PSG5: variants seen among roughly 807,000 people sequenced by gnomAD.
The protein encoded by PSG5 is pregnancy-specific beta-1-glycoprotein 5.
In PSG5, 53 loss-of-function variants were observed where a neutral mutation model predicts 37.7. The ratio of observed to expected loss-of-function variants is 1.41; its 90% CI spans 1.13 to 1.77. The LOEUF (loss-of-function observed/expected upper bound fraction) is 1.77. Ranked by LOEUF, PSG5 falls within the 40% of genes most tolerant of loss-of-function variation. PSG5 has a pLI of 0.00. For missense variants in PSG5, 547 were observed against 405.2 expected (o/e 1.35, Z -3.00); for synonymous variants, 221 against 155.4 (o/e 1.42, Z -3.14).
intron 4 of PSG5, chr19:43,171,582 A>G (rs1280633287): frequency 2.2e-6 from 1 of 456,936 alleles, no homozygotes; most frequent in Non-Finnish European, 3.6e-6. Context: ...TGAAACCAAA[A>G]GTTGATTCTT....
intron 5 of PSG5, among the ~76,000 whole-genome samples, chr19:43,168,464 G>T (rs1337964003): frequency 6.6e-6 from 1 of 151,484 alleles, no homozygotes; most frequent in Admixed American, 6.6e-5. Context: ...TGCCTCCCGG[G>T]TTCATGCCAT....
rs773378321 is a variant in PSG5, at chr19:43,184,996, C to G, written c.216G>C (p.Leu72=). The G allele has an allele frequency of 1.1e-5, 17 of 1,612,442 alleles. 2 individuals carry two copies. Among genetic ancestry groups the G allele is most frequent in the Admixed American group, 3.3e-5 (2 of 59,866 alleles). ...LAGYIWYKGQ[L]MDLYHYITSY... Reference sequence around the variant, plus strand: ...ATGTAATGTAATGGTAGAGGTCCATCAGTTGTCCTTTGTACCAGATGTAGC... The same window carrying G: ...ATGTAATGTAATGGTAGAGGTCCATGAGTTGTCCTTTGTACCAGATGTAGC... Residue 72 remains leucine (L), a synonymous_variant, in exon 2 of 6, where the codon CTG becomes CTC. Transcript: ENST00000342951.
At chr19:43,169,814 T>G (rs1377015042) in intron 5 of PSG5, among the ~76,000 whole-genome samples, 1 of 151,582 alleles carries the variant, frequency 6.6e-6, no homozygotes, top group Non-Finnish European at 1.5e-5. Context: ...ATTGTGTTTC[T>G]CATTTGAATC....
chr19:43,179,504 G>T lies in PSG5; in HGVS notation c.431-3356C>A, dbSNP rs548755794. On this transcript the variant is annotated intron_variant, in intron 2 of 5. Transcript: ENST00000342951. ...ACCTTGTGGTCCTCACTTGGAGTAT[G>T]CAGTGCTGGAATCTTCTTAGTTTCA... is the stretch of plus-strand genomic sequence containing the variant. 3.0e-4 allele frequency among the ~76,000 whole-genome samples: 45 copies of T among 151,846 alleles called. 1 individual carries two copies. The Middle Eastern group carries it at 0.01, about 34-fold the overall frequency.
At chr19:43,179,865 C>A (rs1019397455) in intron 2 of PSG5, among the ~76,000 whole-genome samples, 1 of 150,872 alleles carries the variant, frequency 6.6e-6, no homozygotes, top group African/African-American at 2.4e-5. Context: ...AGCTTTGGAC[C>A]AAGACCATTG....
At chr19:43,175,813 G>A in intron 3 of PSG5, 57 bp downstream of exon 3, 1 of 1,602,442 alleles carries the variant, frequency 6.2e-7, no homozygotes. Flanking sequence ...GGACTGGCTT[G>A]TGGTCATTTA....
intron 2 of PSG5, among the ~76,000 whole-genome samples, chr19:43,181,539 A>G (rs1336059953): frequency 6.6e-6 from 1 of 151,530 alleles, no homozygotes; most frequent in Non-Finnish European, 1.5e-5. Flanking sequence ...GCTCACTGCA[A>G]GCTCCACCTC....
At chr19:43,175,150 C>T (rs755316630) in intron 4 of PSG5, 65 bp downstream of exon 4, 2 of 1,611,024 alleles carry the variant, frequency 1.2e-6, no homozygotes, top group Non-Finnish European at 1.7e-6. Context: ...TTTCCTAACT[C>T]TTCTCTGAAA....
Position 43,185,015 on chromosome 19 carries a change from A to G in PSG5, c.197T>C (p.Ile66Thr), listed in dbSNP as rs149836749. Residue 66 changes from isoleucine (I) to threonine (T), a missense_variant, in exon 2 of 6, where the codon ATC (isoleucine) becomes ACC (threonine). Coordinates refer to ENST00000342951, the MANE Select transcript of PSG5 (RefSeq NM_002781.4). ...GTCCATCAGTTGTCCTTTGTACCAG[A>G]TGTAGCCAGCAAGATTCTGAGGCAA... ...HNLPQNLAGYIWYKGQLMDLY... is the reference protein window; with the variant it reads ...HNLPQNLAGYTWYKGQLMDLY... The G allele has an allele frequency of 1.9e-6, 3 of 1,612,656 alleles. No individual in the cohort carries two copies. The highest frequency in any genetic ancestry group is 1.1e-5 in the South Asian group (1 of 91,038).
rs569939151 is a variant in PSG5 at position 43,176,247 on chromosome 19, C to G, written c.431-99G>C. The G allele has an allele frequency of 4.9e-5, 75 of 1,544,442 alleles. 2 individuals carry two copies. The African/African-American group carries it at 7.7e-4, about 16-fold the overall frequency. On this transcript the variant is annotated intron_variant, in intron 2 of 5. Transcript: ENST00000342951. The stretch of plus-strand genomic sequence containing the variant: ...TTGGCATCTCCCACCTGTCAACCCA[C>G]CAGAGTCCTTGAAAGCCAGTAGCTG...
In PSG5 at chr19:43,175,484, A is replaced by G; in HGVS notation, c.710-15T>C. On this transcript the variant is annotated splice_polypyrimidine_tract_variant and intron_variant, in intron 3 of 5. Transcript: ENST00000342951. ...GTCTGGACCATCTGGAGCAAAGAGA[A>G]TGAAGCCACAGGTGATGTCATCCAA... 1.3e-6 allele frequency: 2 copies of G among 1,595,902 alleles called. No homozygotes were observed. Among genetic ancestry groups the G allele is most frequent in the South Asian group, 1.1e-5 (1 of 87,672 alleles).
intron 2 of PSG5, among the ~76,000 whole-genome samples, chr19:43,179,723 G>A (rs1381860833): frequency 1.3e-5 from 2 of 151,680 alleles, no homozygotes; most frequent in Non-Finnish European, 2.9e-5. Context: ...CAGTCATCAG[G>A]CAGTGGAGCC....
chr19:43,172,252 A>G (rs1213694839), intron 4 of PSG5, among the ~76,000 whole-genome samples: 1 of 151,768 alleles, frequency 6.6e-6, no homozygotes, highest in East Asian at 1.9e-4. Flanking sequence ...CTCAACATAA[A>G]GGCAATATGT....
intron 2 of PSG5, among the ~76,000 whole-genome samples, chr19:43,177,324 CTT>C (rs34348285): frequency 0.21 from 31,742 of 151,004 alleles, 3,955 homozygotes; most frequent in Non-Finnish European, 0.26. Flanking sequence ...ATGCATAAGA[CTT>C]AGGACAAAAA....
chr19:43,170,635 C>A (rs922378573), intron 4 of PSG5: 4 of 259,586 alleles, frequency 1.5e-5, no homozygotes, highest in African/African-American at 9.3e-5. Flanking sequence ...AAGCCTAGTT[C>A]TCTGAGGCTC....
chr19:43,171,061 C>A (rs2122201094), intron 4 of PSG5: 1 of 151,598 alleles, frequency 6.6e-6, no homozygotes, highest in East Asian at 1.9e-4. Context: ...AAATACTTTA[C>A]CTGTATCTCA....
intron 4 of PSG5, chr19:43,174,924 A>C (rs1968973196): frequency 7.9e-7 from 1 of 1,266,624 alleles, no homozygotes; most frequent in African/African-American, 1.5e-5. Flanking sequence ...GATCTTGAGG[A>C]CTCTCCTTCT....
At chr19:43,182,096 C>T (rs1969140609) in intron 2 of PSG5, among the ~76,000 whole-genome samples, 1 of 151,662 alleles carries the variant, frequency 6.6e-6, no homozygotes, top group South Asian at 2.1e-4. Flanking sequence ...TGGGCATAGG[C>T]CAGGCTAACC....
At chr19:43,182,930 A>C (rs1025352089) in intron 2 of PSG5, among the ~76,000 whole-genome samples, 2 of 148,780 alleles carry the variant, frequency 1.3e-5, no homozygotes, top group Admixed American at 6.7e-5. Flanking sequence ...TGATTTCTGC[A>C]CCTTTCCTAT....
Sources: allele counts gnomAD v4.1 joint callset (sites outside exome capture counted in the v4.1 genomes callset), GRCh38; gene constraint gnomAD v4.1.1; transcripts MANE v1.5; gene names NCBI Gene and HGNC (gene_info 2026-07-23, HGNC 2026-07-21).